The following IGSF21 variants were observed in gnomAD, a reference collection of about 807,000 sequenced individuals.
IGSF21 encodes the protein immunoglobin superfamily member 21.
In IGSF21, 28 loss-of-function variants were observed where a neutral mutation model predicts 46.8. The ratio of observed to expected loss-of-function variants is 0.60; its 90% confidence interval spans 0.44 to 0.82. IGSF21 has a LOEUF of 0.82. IGSF21 is among the 40% of genes least tolerant of loss of function. The probability of loss-of-function intolerance (pLI) is 0.00; values close to 1 mark genes in which losing one functional copy is unlikely to be tolerated. For missense variants in IGSF21, 624 were observed against 665.5 expected (o/e 0.94, Z 0.69); for synonymous variants, 284 against 273.6 (o/e 1.04, Z -0.38).
intron 1 of IGSF21, among the ~76,000 whole-genome samples, chr1:18,158,427 TACTG>T (rs771545220): frequency 3.9e-5 from 6 of 152,200 alleles, no homozygotes; most frequent in Admixed American, 1.3e-4. Context: ...GAATTTTAAT[TACTG>T]ACTCCTAATT....
intron 3 of IGSF21, among the ~76,000 whole-genome samples, chr1:18,298,625 C>G (rs1248215513): frequency 6.6e-6 from 1 of 152,074 alleles, no homozygotes; most frequent in African/African-American, 2.4e-5. Context: ...GAGGGAGACT[C>G]GGGAGAGCTG....
chr1:18,149,675 G>A (rs2086503837), intron 1 of IGSF21, among the ~76,000 whole-genome samples: 1 of 151,816 alleles, frequency 6.6e-6, no homozygotes, highest in Non-Finnish European at 1.5e-5. Flanking sequence ...GAAATCCTGG[G>A]TGTTTTTCTG....
At position 18,134,863 on chromosome 1, in the gene IGSF21, A is replaced by G. The variant is rs1458286100; in HGVS notation, c.70+26665A>G. Among the ~76,000 whole-genome samples the G allele has an allele frequency of 2.0e-5, 3 of 152,206 alleles. No individual in the cohort carries two copies. In the East Asian group the frequency reaches 5.8e-4, roughly 29 times the overall value. ...AGTTACAGTGAGACAGAGAAATCCT[A>G]CATAGGGTTCCACAGCCATGCCTGG... On this transcript the variant is annotated intron_variant, in intron 1 of 9. Transcript: ENST00000251296.
intron 1 of IGSF21, among the ~76,000 whole-genome samples, chr1:18,130,540 A>G (rs1422588105): frequency 6.6e-6 from 1 of 152,114 alleles, no homozygotes; most frequent in Non-Finnish European, 1.5e-5. Context: ...TAATCCTCTC[A>G]GTAGCCCCTG....
chr1:18,166,101 G>T (rs1227978728), intron 1 of IGSF21, among the ~76,000 whole-genome samples: 2 of 152,176 alleles, frequency 1.3e-5, no homozygotes, highest in African/African-American at 2.4e-5. Context: ...CCTTGCTGAA[G>T]AAATTAAATT....
intron 1 of IGSF21, among the ~76,000 whole-genome samples, chr1:18,225,085 T>TCTCTCTCTCACACA: frequency 3.5e-4 from 18 of 51,612 alleles, no homozygotes; most frequent in African/African-American, 1.1e-3. Context: ...TCTCTCTCTC[T>TCTCTCTCTCACACA]CACACACACA....
intron 1 of IGSF21, among the ~76,000 whole-genome samples, chr1:18,225,795 G>C (rs1242532775): frequency 1.3e-5 from 2 of 152,200 alleles, no homozygotes; most frequent in Non-Finnish European, 2.9e-5. Flanking sequence ...AAAAAAGTAT[G>C]CAGGCTGCAG....
intron 2 of IGSF21, among the ~76,000 whole-genome samples, chr1:18,252,915 A>G (rs1316670821): frequency 1.3e-5 from 2 of 152,210 alleles, no homozygotes; most frequent in African/African-American, 4.8e-5. Context: ...TGAGGGCTAC[A>G]TGAGATAGTG....
intron 3 of IGSF21, among the ~76,000 whole-genome samples, chr1:18,294,281 G>C (rs932168592): frequency 6.6e-6 from 1 of 152,074 alleles, no homozygotes. Context: ...GCTGGTTTCC[G>C]GCCTCTAAGT....
chr1:18,366,817 G>A (rs2086169659), intron 6 of IGSF21, among the ~76,000 whole-genome samples: 1 of 152,142 alleles, frequency 6.6e-6, no homozygotes, highest in African/African-American at 2.4e-5. Context: ...CACCAACCCA[G>A]GGATCCCCAA....
chr1:18,108,181 T>C lies in IGSF21; in HGVS notation c.53T>C (p.Ile18Thr). 1 of 1,441,210 alleles carries C rather than the reference T, an allele frequency of 6.9e-7. No homozygotes were observed. Among genetic ancestry groups the C allele is most frequent in the Non-Finnish European group, 9.1e-7 (1 of 1,099,522 alleles). 89.3% of individuals were successfully genotyped at this position (1,441,210 alleles called of 1,614,324 possible). A position where few individuals can be genotyped will look rare whatever the true frequency, so the allele number is the denominator to read the frequency against. Residue 18 changes from isoleucine (I) to threonine (T), a missense_variant, in exon 1 of 10, where the codon ATC becomes ACC. By Grantham distance (89) the Ile-to-Thr change is moderately conservative. Transcript: ENST00000251296. The stretch of plus-strand genomic sequence containing the variant: ...TGCGTCTGCCTGCTGCTCGCCGCGA[T>C]CCTGGACCTGGCGCGCGGTGAGTGC... ...RRCVCLLLAA[I>T]LDLARGYLTV...
intron 3 of IGSF21, among the ~76,000 whole-genome samples, chr1:18,329,477 A>G (rs2085691479): frequency 6.6e-6 from 1 of 152,142 alleles, no homozygotes; most frequent in South Asian, 2.1e-4. Flanking sequence ...AACCTCATTC[A>G]TACAGGTGAT....
At chr1:18,140,793 G>C (rs552172728) in intron 1 of IGSF21, among the ~76,000 whole-genome samples, 2 of 152,270 alleles carry the variant, frequency 1.3e-5, no homozygotes, top group African/African-American at 4.8e-5. Context: ...TCCTTCCACT[G>C]TCATGGCATT....
At chr1:18,327,131 C>T (rs1469056088) in intron 3 of IGSF21, among the ~76,000 whole-genome samples, 2 of 152,158 alleles carry the variant, frequency 1.3e-5, no homozygotes, top group Non-Finnish European at 2.9e-5. Context: ...GCCTTTTGAT[C>T]CACGTTGCAC....
intron 6 of IGSF21, among the ~76,000 whole-genome samples, chr1:18,372,846 ATGGATGGATG>A (rs2086241633): frequency 1.0e-5 from 1 of 96,192 alleles, no homozygotes; most frequent in African/African-American, 4.5e-5. Flanking sequence ...GGATGGATGG[ATGGATGGATG>A]GATGGATGGG....
At chr1:18,141,700 C>T (rs1166285465) in intron 1 of IGSF21, among the ~76,000 whole-genome samples, 1 of 152,176 alleles carries the variant, frequency 6.6e-6, no homozygotes, top group African/African-American at 2.4e-5. Flanking sequence ...AAGACGGGGA[C>T]AATAATACAT....
chr1:18,160,890 G>C (rs142514986), intron 1 of IGSF21, among the ~76,000 whole-genome samples: 2,661 of 152,276 alleles, frequency 0.017, 76 homozygotes, highest in African/African-American at 0.059. Context: ...GGTATGGAGG[G>C]TGGTGGTGGC....
chr1:18,230,049 TC>T (rs2084607425), intron 2 of IGSF21, among the ~76,000 whole-genome samples: 1 of 152,192 alleles, frequency 6.6e-6, no homozygotes, highest in African/African-American at 2.4e-5. Context: ...GCAACTGTCC[TC>T]CCTCCGGTTT....
chr1:18,359,383 A>AAAGAAAGAAAGAAAGAATGGAAGGAAGG (rs1557659626), intron 4 of IGSF21, among the ~76,000 whole-genome samples: 8 of 61,030 alleles, frequency 1.3e-4, no homozygotes, highest in African/African-American at 4.7e-4. Context: ...AGAAAGAAAG[A>AAAGAAAGAAAGAAAGAATGGAAGGAAGG]AAGGAAGGAA....
Sources: gnomAD v4.1 joint callset for allele counts (sites outside exome capture counted in the v4.1 genomes callset) on GRCh38, gnomAD v4.1.1 for gene constraint, MANE v1.5 for transcripts, NCBI Gene and HGNC (gene_info 2026-07-23, HGNC 2026-07-21) for gene names.